The following JMJD1C variants were observed in gnomAD, a reference collection of about 807,000 sequenced individuals.
JMJD1C encodes jumonji domain-containing protein 1C.
In JMJD1C, 31 loss-of-function variants were observed where a neutral mutation model predicts 245.3. The observed-to-expected ratio is 0.13, with a 90% CI of 0.09 to 0.17. JMJD1C has a LOEUF of 0.17. JMJD1C is among the 10% of genes least tolerant of loss of function. JMJD1C has a pLI of 1.00. For synonymous variants in JMJD1C, 1,057 were observed against 1,017.4 expected (o/e 1.04, Z -0.74); for missense variants, 2,691 against 3,000.2 (o/e 0.90, Z 2.41).
chr10:63,348,871 C>T (rs148207615), intron 2 of JMJD1C, among the ~76,000 whole-genome samples: 31 of 152,046 alleles, frequency 2.0e-4, no homozygotes, highest in South Asian at 4.2e-4. Flanking sequence ...GAGGCCAAGG[C>T]GGGTGGATCA....
Position 63,357,826 on chromosome 10 carries a change from G to GACAGACACAC in JMJD1C, c.333+22491_333+22492insGTGTGTCTGT, listed in dbSNP as rs1051732036. ...AAATGTCAAAAGACACAGACAGACAGACACACACACACACACACACACACA... is the reference window on the plus strand; with the variant it reads ...AAATGTCAAAAGACACAGACAGACAGACAGACACACACACACACACACACACACACACACA... On this transcript the variant is annotated intron_variant, in intron 2 of 25. Coordinates refer to ENST00000399262, the MANE Select transcript of JMJD1C (RefSeq NM_032776.3). Among the ~76,000 whole-genome samples, 311 of 140,526 alleles carry GACAGACACAC rather than the reference G, an allele frequency of 2.2e-3. 4 individuals carry two copies. Among genetic ancestry groups the GACAGACACAC allele is most frequent in the Admixed American group, 0.02 (280 of 13,726 alleles). 92.2% of individuals were successfully genotyped at this position (140,526 alleles called of 152,430 possible). A position where few individuals can be genotyped will look rare whatever the true frequency, so the allele number is the denominator to read the frequency against.
At chr10:63,476,906 A>G (rs1371854783) in intron 1 of JMJD1C, among the ~76,000 whole-genome samples, 1 of 152,180 alleles carries the variant, frequency 6.6e-6, no homozygotes, top group Admixed American at 6.6e-5. Context: ...AGGGGAAAAT[A>G]TGCAAACTAA....
chr10:63,314,223 T>G (rs1035181668), intron 2 of JMJD1C, among the ~76,000 whole-genome samples: 1 of 152,244 alleles, frequency 6.6e-6, no homozygotes, highest in Admixed American at 6.5e-5. Flanking sequence ...GAGGATCAGT[T>G]GGCTGTAACT....
chr10:63,389,913 C>A (rs1947920411), intron 1 of JMJD1C, among the ~76,000 whole-genome samples: 1 of 152,036 alleles, frequency 6.6e-6, no homozygotes, highest in South Asian at 2.1e-4. Flanking sequence ...GATGGAAGTT[C>A]ATAATTAATA....
chr10:63,325,887 A>G (rs991746331), intron 2 of JMJD1C, among the ~76,000 whole-genome samples: 3 of 152,202 alleles, frequency 2.0e-5, no homozygotes, highest in African/African-American at 7.2e-5. Flanking sequence ...GTCTTAATGC[A>G]TATATTCTAT....
intron 1 of JMJD1C, among the ~76,000 whole-genome samples, chr10:63,455,478 T>C (rs10822172): frequency 0.66 from 100,883 of 152,068 alleles, 36,243 homozygotes; most frequent in Non-Finnish European, 0.81. Context: ...CATATCTCAA[T>C]ATTATTTTAA....
At chr10:63,185,511 C>G in intron 20 of JMJD1C, 52 bp downstream of exon 20, 1 of 971,914 alleles carries the variant, frequency 1.0e-6, no homozygotes, top group Non-Finnish European at 1.7e-6. Flanking sequence ...TCTCTGGGGA[C>G]AGTCTTAGCT....
chr10:63,352,169 TTG>T (rs1229934419), intron 2 of JMJD1C, among the ~76,000 whole-genome samples: 1 of 152,206 alleles, frequency 6.6e-6, no homozygotes, highest in Non-Finnish European at 1.5e-5. Context: ...TTGAGGTACT[TTG>T]TGTTTAACGA....
At chr10:63,363,252 CTTTTTTTTTTTT>C (rs71463517) in intron 2 of JMJD1C, among the ~76,000 whole-genome samples, 4 of 99,866 alleles carry the variant, frequency 4.0e-5, no homozygotes, top group African/African-American at 7.6e-5. Context: ...TCATACAATT[CTTTTTTTTTTTT>C]TTTTTTTTTT....
At chr10:63,464,698 CAA>C (rs34490360) in intron 1 of JMJD1C, among the ~76,000 whole-genome samples, 73 of 143,234 alleles carry the variant, frequency 5.1e-4, no homozygotes, top group Admixed American at 7.6e-4. Flanking sequence ...TGTAAGAAAC[CAA>C]AAAAAAAAAA....
At chr10:63,218,225 G>C (rs948797858) in intron 4 of JMJD1C, among the ~76,000 whole-genome samples, 3 of 152,024 alleles carry the variant, frequency 2.0e-5, no homozygotes, top group African/African-American at 7.2e-5. Context: ...AAAATTTTAA[G>C]TCAAAGATCT....
chr10:63,431,655 A>G (rs941698580), intron 1 of JMJD1C, among the ~76,000 whole-genome samples: 5 of 152,312 alleles, frequency 3.3e-5, no homozygotes, highest in Admixed American at 2.6e-4. Flanking sequence ...CTCCTTGACT[A>G]GGGGCAAACT....
At chr10:63,316,071 G>C (rs2134078860) in intron 2 of JMJD1C, among the ~76,000 whole-genome samples, 1 of 151,970 alleles carries the variant, frequency 6.6e-6, no homozygotes, top group Non-Finnish European at 1.5e-5. Flanking sequence ...ACTTGGGAGG[G>C]TAATGTGGGA....
chr10:63,189,117 A>C, intron 18 of JMJD1C, 51 bp downstream of exon 18: 1 of 1,476,498 alleles, frequency 6.8e-7, no homozygotes, highest in East Asian at 2.3e-5. Context: ...CATTCTATTT[A>C]ATAAGCTTCA....
chr10:63,312,350 C>T (rs1019088571), intron 2 of JMJD1C, among the ~76,000 whole-genome samples: 1 of 152,032 alleles, frequency 6.6e-6, no homozygotes, highest in Non-Finnish European at 1.5e-5. Context: ...TCAGGTGATC[C>T]GCCCACCTTG....
At chr10:63,191,885 T>G (rs1286761394) in intron 16 of JMJD1C, among the ~76,000 whole-genome samples, 4 of 67,034 alleles carry the variant, frequency 6.0e-5, no homozygotes, top group African/African-American at 2.4e-4. Context: ...CTTGGGAGGC[T>G]GAGGCACAAG....
intron 1 of JMJD1C, among the ~76,000 whole-genome samples, chr10:63,453,022 C>T (rs538568641): frequency 6.6e-6 from 1 of 152,170 alleles, no homozygotes; most frequent in African/African-American, 2.4e-5. Context: ...CACCTGTAAT[C>T]CCAGCACTTT....
chr10:63,317,621 T>C (rs1201072507), intron 2 of JMJD1C, among the ~76,000 whole-genome samples: 1 of 152,196 alleles, frequency 6.6e-6, no homozygotes, highest in South Asian at 2.1e-4. Context: ...CTTGCAAATA[T>C]GAAAACATTT....
chr10:63,503,309 T>C (rs1954618097), intron 1 of JMJD1C, among the ~76,000 whole-genome samples: 1 of 152,218 alleles, frequency 6.6e-6, no homozygotes, highest in African/African-American at 2.4e-5. Context: ...CAATTCAGTA[T>C]AGATACTAAT....
Sources: allele counts gnomAD v4.1 joint callset (sites outside exome capture counted in the v4.1 genomes callset), GRCh38; gene constraint gnomAD v4.1.1; transcripts MANE v1.5; gene names NCBI Gene and HGNC (gene_info 2026-07-23, HGNC 2026-07-21).